The following C8orf34 variants were observed in gnomAD, a reference collection of about 807,000 sequenced individuals.
The protein encoded by C8orf34 is uncharacterized protein C8orf34.
C8orf34 carries 65 observed loss-of-function variants against 68.3 expected under a neutral mutation model. The ratio of observed to expected loss-of-function variants is 0.95; its 90% CI spans 0.78 to 1.17. The LOEUF (loss-of-function observed/expected upper bound fraction) is 1.17, where lower values mean the gene tolerates loss of function less well. C8orf34 is among the 50% of genes most tolerant of loss of function. C8orf34 has a pLI of 0.00. For missense variants in C8orf34, 664 were observed against 655.4 expected, an observed-to-expected ratio of 1.01 and a Z score of -0.14; for synonymous variants, 244 against 241.2, an observed-to-expected ratio of 1.01 and a Z score of -0.11.
At chr8:68,602,042 G>T (rs1563554851) in intron 7 of C8orf34, among the ~76,000 whole-genome samples, 4 of 152,234 alleles carry the variant, frequency 2.6e-5, no homozygotes, top group South Asian at 4.1e-4. Context: ...AGGAGAGCCA[G>T]CTCACTGCCT....
chr8:68,582,908 G>C (rs989704719), intron 7 of C8orf34, among the ~76,000 whole-genome samples: 1 of 152,060 alleles, frequency 6.6e-6, no homozygotes, highest in Non-Finnish European at 1.5e-5. Flanking sequence ...GGGAAAATCA[G>C]GGTAGATAAA....
At chr8:68,397,925 C>T (rs1437525566) in intron 1 of C8orf34, among the ~76,000 whole-genome samples, 1 of 152,012 alleles carries the variant, frequency 6.6e-6, no homozygotes, top group Non-Finnish European at 1.5e-5. Flanking sequence ...TGCACCAACA[C>T]ACCCAGCCAA....
At chr8:68,699,200 C>T (rs1184462577) in intron 8 of C8orf34, among the ~76,000 whole-genome samples, 2 of 151,660 alleles carry the variant, frequency 1.3e-5, no homozygotes, top group East Asian at 3.9e-4. Context: ...TCCACGGAGG[C>T]CTTAACTGCT....
intron 12 of C8orf34, among the ~76,000 whole-genome samples, chr8:68,798,657 A>AT (rs1450006904): frequency 6.6e-6 from 1 of 152,144 alleles, no homozygotes; most frequent in Non-Finnish European, 1.5e-5. Flanking sequence ...CCAAATTGCA[A>AT]TTTTTCATTA....
intron 3 of C8orf34, among the ~76,000 whole-genome samples, chr8:68,464,164 C>G (rs1177237813): frequency 6.6e-6 from 1 of 152,100 alleles, no homozygotes; most frequent in East Asian, 1.9e-4. Flanking sequence ...AAACCGAGAG[C>G]CAAATCATGA....
chr8:68,724,820 T>TA, intron 10 of C8orf34, among the ~76,000 whole-genome samples: 1 of 152,302 alleles, frequency 6.6e-6, no homozygotes, highest in East Asian at 1.9e-4. Flanking sequence ...GATGAACACT[T>TA]AATGTCGATG....
chr8:68,725,368 T>G (rs927028923), intron 10 of C8orf34, among the ~76,000 whole-genome samples: 24 of 152,194 alleles, frequency 1.6e-4, no homozygotes, highest in African/African-American at 5.3e-4. Flanking sequence ...ATGTAACTGG[T>G]CATCATTTCT....
intron 7 of C8orf34, among the ~76,000 whole-genome samples, chr8:68,610,015 G>A (rs558089560): frequency 6.6e-6 from 1 of 152,238 alleles, no homozygotes; most frequent in South Asian, 2.1e-4. Context: ...TGGATCAAGT[G>A]CATCGTTATC....
intron 7 of C8orf34, chr8:68,535,623 A>G (rs541353217): frequency 1.8e-5 from 12 of 679,660 alleles, no homozygotes; most frequent in Non-Finnish European, 2.2e-5. Context: ...ATATTTAATT[A>G]TTCACAGTTG....
intron 1 of C8orf34, among the ~76,000 whole-genome samples, chr8:68,358,943 C>A (rs1412979761): frequency 6.6e-6 from 1 of 152,094 alleles, no homozygotes; most frequent in Non-Finnish European, 1.5e-5. Flanking sequence ...AAGTGATCCA[C>A]CCACTTCGGC....
intron 1 of C8orf34, among the ~76,000 whole-genome samples, chr8:68,337,735 G>A (rs1209944832): frequency 6.6e-6 from 1 of 152,144 alleles, no homozygotes; most frequent in Non-Finnish European, 1.5e-5. Flanking sequence ...TTATGTGAAT[G>A]TAGTTCAGAA....
intron 5 of C8orf34, among the ~76,000 whole-genome samples, chr8:68,512,622 C>T (rs904393206): frequency 6.6e-6 from 1 of 151,804 alleles, no homozygotes; most frequent in African/African-American, 2.4e-5. Flanking sequence ...CTAAATATAA[C>T]ATATTTAGTC....
chr8:68,711,085 G>A (rs1324883826), intron 9 of C8orf34, among the ~76,000 whole-genome samples: 2 of 152,138 alleles, frequency 1.3e-5, no homozygotes, highest in Admixed American at 1.3e-4. Context: ...CTACAGTTCA[G>A]CTCTCAGGAA....
At chr8:68,341,241 C>A (rs971615629) in intron 1 of C8orf34, among the ~76,000 whole-genome samples, 11 of 152,112 alleles carry the variant, frequency 7.2e-5, no homozygotes, top group Non-Finnish European at 5.9e-5. Flanking sequence ...TGGGACTCTT[C>A]TAAGGATGCC....
At chr8:68,573,082 G>A (rs1271263863) in intron 7 of C8orf34, among the ~76,000 whole-genome samples, 1 of 151,860 alleles carries the variant, frequency 6.6e-6, no homozygotes, top group Non-Finnish European at 1.5e-5. Flanking sequence ...TCTATCCCTG[G>A]CCTCTCTTCA....
intron 7 of C8orf34, among the ~76,000 whole-genome samples, chr8:68,614,062 G>C (rs1818113917): frequency 1.3e-5 from 2 of 152,168 alleles, no homozygotes; most frequent in African/African-American, 4.8e-5. Context: ...ATTTTTTCAT[G>C]TGTTTTTTGG....
intron 1 of C8orf34, among the ~76,000 whole-genome samples, chr8:68,384,085 C>T (rs953654458): frequency 6.6e-6 from 1 of 152,182 alleles, no homozygotes; most frequent in African/African-American, 2.4e-5. Flanking sequence ...AAGTTTTACC[C>T]TTTTAACAAA....
intron 8 of C8orf34, among the ~76,000 whole-genome samples, chr8:68,661,170 C>A (rs543750847): frequency 6.6e-6 from 1 of 152,186 alleles, no homozygotes; most frequent in African/African-American, 2.4e-5. Flanking sequence ...TCCCACCCAG[C>A]GTGGTCATTG....
intron 4 of C8orf34, among the ~76,000 whole-genome samples, chr8:68,473,222 G>A (rs1172020118): frequency 6.6e-6 from 1 of 152,098 alleles, no homozygotes; most frequent in Non-Finnish European, 1.5e-5. Flanking sequence ...GTAAGAGAGA[G>A]GGGTGCCCAA....
Sources: gnomAD v4.1 joint callset for allele counts (sites outside exome capture counted in the v4.1 genomes callset) on GRCh38, gnomAD v4.1.1 for gene constraint, MANE v1.5 for transcripts, NCBI Gene and HGNC (gene_info 2026-07-23, HGNC 2026-07-21) for gene names.